SPSB1: variants seen among roughly 807,000 people sequenced by gnomAD.
SPSB1 encodes the protein splA/ryanodine receptor domain and SOCS box containing 1.
In SPSB1, 8 loss-of-function variants were observed where a neutral mutation model predicts 21.2. The observed-to-expected ratio is 0.38, with a 90% CI of 0.22 to 0.68. SPSB1 has a LOEUF of 0.68. Among genes scored for constraint, SPSB1 ranks in the 30% least tolerant of loss-of-function variants. The probability of loss-of-function intolerance (pLI) is 0.53; values close to 1 mark genes in which losing one functional copy is unlikely to be tolerated. For synonymous variants in SPSB1, 169 were observed against 161.7 expected (o/e 1.05, Z -0.34); for missense variants, 242 against 377.8 (o/e 0.64, Z 2.98).
chr1:9,335,078 C>A (rs774136012), intron 1 of SPSB1, among the ~76,000 whole-genome samples: 3 of 152,170 alleles, frequency 2.0e-5, no homozygotes, highest in Non-Finnish European at 4.4e-5. Context: ...TTTTCTAGGT[C>A]ATATGGTAAT....
intron 2 of SPSB1, among the ~76,000 whole-genome samples, chr1:9,357,255 G>C (rs1322179533): frequency 6.8e-6 from 1 of 148,072 alleles, no homozygotes; most frequent in Non-Finnish European, 1.5e-5. Flanking sequence ...ATGAACAGGT[G>C]GATGAGTGGG....
At chr1:9,330,598 G>C (rs187233637) in intron 1 of SPSB1, among the ~76,000 whole-genome samples, 3 of 151,954 alleles carry the variant, frequency 2.0e-5, no homozygotes, top group African/African-American at 7.3e-5. Flanking sequence ...AACTTCACCC[G>C]ACACGTTTGG....
intron 1 of SPSB1, among the ~76,000 whole-genome samples, chr1:9,340,188 G>A (rs193004838): frequency 5.6e-4 from 86 of 152,324 alleles, no homozygotes; most frequent in African/African-American, 2.0e-3. Context: ...CTCAAGAGAG[G>A]AGACAGACTC....
In SPSB1 at chr1:9,366,770, C is replaced by T. The variant is rs550436845; in HGVS notation, c.695-678C>T. On this transcript the variant is annotated intron_variant, in intron 2 of 2. Transcript: ENST00000328089. The stretch of plus-strand genomic sequence containing the variant: ...TGTATTTTTAGTAGAGACGGGGTTT[C>T]ACCATGTTGGCCAGGCTGGTCTTGA... Among the ~76,000 whole-genome samples, 461 of 152,260 alleles carry T rather than the reference C, an allele frequency of 3.0e-3. 3 individuals carry two copies. Among genetic ancestry groups the T allele is most frequent in the Non-Finnish European group, 4.9e-3 (335 of 68,012 alleles).
In SPSB1 at chr1:9,317,910, A is replaced by G. The variant is rs980294676; in HGVS notation, c.-150+24839A>G. The stretch of plus-strand genomic sequence containing the variant: ...GGTGGGAGTTTCTTGCTTCCTTGGC[A>G]CACCATTCGCTCCGCGAGTTTGTTA... On this transcript the variant is annotated intron_variant, in intron 1 of 2. Coordinates refer to ENST00000328089, the MANE Select transcript of SPSB1 (RefSeq NM_025106.4). This position sits in a 1 kb window ranked among gnomAD's most constrained non-coding sequence, Gnocchi z 4.3. Among the ~76,000 whole-genome samples the G allele has an allele frequency of 6.9e-6, 1 of 145,568 alleles. No individual in the cohort carries two copies. The highest frequency in any genetic ancestry group is 1.5e-5 in the Non-Finnish European group (1 of 67,030).
chr1:9,301,561 C>T (rs770898887), intron 1 of SPSB1, among the ~76,000 whole-genome samples: 16 of 151,264 alleles, frequency 1.1e-4, no homozygotes, highest in African/African-American at 2.2e-4. Flanking sequence ...GCACAGGACA[C>T]GGATAGACCT....
Position 9,354,507 on chromosome 1 carries a change from G to A in SPSB1, c.-149-1236G>A, listed in dbSNP as rs560595606. ...GCAGAAAGAAACTTCTCTCTTGAAC[G>A]AGGCTCAAATCTTCTGCTGCCTTAT... On this transcript the variant is annotated intron_variant, in intron 1 of 2. Transcript: ENST00000328089. Among the ~76,000 whole-genome samples, 33 of 152,154 alleles carry A rather than the reference G, an allele frequency of 2.2e-4. 1 individual carries two copies. Among genetic ancestry groups the A allele is most frequent in the Non-Finnish European group, 1.5e-5 (1 of 68,032 alleles).
chr1:9,338,661 T>G (rs1640042267), intron 1 of SPSB1, among the ~76,000 whole-genome samples: 1 of 152,284 alleles, frequency 6.6e-6, no homozygotes, highest in Admixed American at 6.5e-5. Context: ...TCGTGCTGGC[T>G]TCACCTTTGA....
At chr1:9,298,844 C>T (rs1211664584) in intron 1 of SPSB1, among the ~76,000 whole-genome samples, 1 of 152,220 alleles carries the variant, frequency 6.6e-6, no homozygotes, top group Non-Finnish European at 1.5e-5. Context: ...AGAATCCACA[C>T]ACTGGTTCCC....
At chr1:9,314,554 C>T (rs1639578570) in intron 1 of SPSB1, among the ~76,000 whole-genome samples, 2 of 152,180 alleles carry the variant, frequency 1.3e-5, no homozygotes. Flanking sequence ...GAGCAAGACC[C>T]CAGATATTTG....
At chr1:9,332,286 GTGA>G (rs1291218866) in intron 1 of SPSB1, among the ~76,000 whole-genome samples, 1 of 152,156 alleles carries the variant, frequency 6.6e-6, no homozygotes, top group Non-Finnish European at 1.5e-5. Flanking sequence ...GGCCTTGCAA[GTGA>G]TGACTTAAAC....
chr1:9,307,363 C>T (rs1639437602), intron 1 of SPSB1, among the ~76,000 whole-genome samples: 1 of 152,202 alleles, frequency 6.6e-6, no homozygotes, highest in Admixed American at 6.5e-5. Flanking sequence ...CTTCATCCCG[C>T]CGGAAGGAAA....
intron 1 of SPSB1, among the ~76,000 whole-genome samples, chr1:9,318,939 C>T (rs1193529536): frequency 2.0e-5 from 3 of 152,062 alleles, no homozygotes; most frequent in Admixed American, 1.3e-4. Context: ...CCTGTAATCC[C>T]AGTACTTTGG....
At chr1:9,302,938 G>T (rs1460147617) in intron 1 of SPSB1, among the ~76,000 whole-genome samples, 2 of 152,178 alleles carry the variant, frequency 1.3e-5, no homozygotes, top group Non-Finnish European at 1.5e-5. Context: ...GTGACTTTAT[G>T]CTCTGCTGGC....
chr1:9,309,301 AGTGTGTGTGTGTGT>A (rs35952855), intron 1 of SPSB1, among the ~76,000 whole-genome samples: 5 of 133,136 alleles, frequency 3.8e-5, no homozygotes, highest in South Asian at 5.0e-4. Context: ...AGAGAGAGAG[AGTGTGTGTGTGTGT>A]GTGTGTGTGT....
chr1:9,342,345 G>A (rs185415758), intron 1 of SPSB1, among the ~76,000 whole-genome samples: 33 of 152,326 alleles, frequency 2.2e-4, no homozygotes, highest in African/African-American at 7.5e-4. Context: ...TCCAGAAACT[G>A]TGTGCATCAG....
At chr1:9,295,385 G>C (rs1396367487) in intron 1 of SPSB1, among the ~76,000 whole-genome samples, 1 of 152,218 alleles carries the variant, frequency 6.6e-6, no homozygotes, top group Non-Finnish European at 1.5e-5. Context: ...GCCCCGAGCA[G>C]GGAGCAAGGC....
intron 1 of SPSB1, among the ~76,000 whole-genome samples, chr1:9,331,447 C>T (rs539770400): frequency 6.7e-6 from 1 of 149,802 alleles, no homozygotes. Context: ...TCTCCTGCCT[C>T]TGCCTCCTGG....
At position 9,293,021 on chromosome 1, in the gene SPSB1, C is replaced by G; in HGVS notation, c.-200C>G. 2.0e-6 allele frequency: 2 copies of G among 982,458 alleles called. No homozygotes were observed. The highest frequency in any genetic ancestry group is 2.4e-6 in the Non-Finnish European group (2 of 828,450). 60.9% of individuals were successfully genotyped at this position (982,458 alleles called of 1,614,324 possible). A position where few individuals can be genotyped will look rare whatever the true frequency, so the allele number is the denominator to read the frequency against. ...CTGCGGCGGGCGCGGCCCGGGCGCC[C>G]GAGCCTCCTCGGCCTTGGAGAGCAG... On this transcript the variant is annotated 5_prime_UTR_variant, in exon 1 of 3. Coordinates refer to ENST00000328089, the MANE Select transcript of SPSB1 (RefSeq NM_025106.4). The surrounding 1 kb of genome is among the most constrained non-coding windows in gnomAD (Gnocchi z 5.1).
Sources: allele counts gnomAD v4.1 joint callset (sites outside exome capture counted in the v4.1 genomes callset), GRCh38; gene constraint gnomAD v4.1.1; non-coding constraint Gnocchi (gnomAD v3.1); transcripts MANE v1.5; gene names NCBI Gene and HGNC (gene_info 2026-07-23, HGNC 2026-07-21).